The following MDGA2 variants were observed in gnomAD, a reference collection of about 807,000 sequenced individuals.
MDGA2 encodes MAM domain containing glycosylphosphatidylinositol anchor 2.
MDGA2 carries 40 observed loss-of-function variants against 117.8 expected under a neutral mutation model. The observed-to-expected ratio is 0.34, with a 90% CI of 0.26 to 0.44. MDGA2 has a LOEUF of 0.44. Among genes scored for constraint, MDGA2 ranks in the 20% least tolerant of loss-of-function variants. The pLI, the probability that MDGA2 is intolerant of heterozygous loss-of-function variation, is 1.00. For synonymous variants in MDGA2, 452 were observed against 439.0 expected (o/e 1.03, Z -0.37); for missense variants, 1,123 against 1,250.6 (o/e 0.90, Z 1.54).
chr14:47,402,327 G>GA (rs1450381572), intron 1 of MDGA2, among the ~76,000 whole-genome samples: 2 of 12,300 alleles, frequency 1.6e-4, no homozygotes, highest in Non-Finnish European at 2.2e-4. Flanking sequence ...AGAAACCCCA[G>GA]AAACCCCCGC....
chr14:47,180,416 TATGAG>T (rs1398851892), intron 3 of MDGA2, among the ~76,000 whole-genome samples: 2 of 152,162 alleles, frequency 1.3e-5, no homozygotes, highest in African/African-American at 4.8e-5. Context: ...ACAGACAACC[TATGAG>T]ATGAGAGAAA....
intron 2 of MDGA2, among the ~76,000 whole-genome samples, chr14:47,256,959 G>GA (rs1245798308): frequency 6.7e-6 from 1 of 148,860 alleles, no homozygotes; most frequent in Non-Finnish European, 1.5e-5. Context: ...GAAAGGGAAA[G>GA]AAAAAAAGAG....
intron 7 of MDGA2, among the ~76,000 whole-genome samples, chr14:47,042,312 GTTTTTTTTTTT>G (rs748830079): frequency 7.7e-6 from 1 of 129,992 alleles, no homozygotes. Flanking sequence ...CCAAATCTAT[GTTTTTTTTTTT>G]TTTTTGTGTG....
At chr14:47,087,803 A>C (rs1890961097) in intron 6 of MDGA2, among the ~76,000 whole-genome samples, 2 of 9,840 alleles carry the variant, frequency 2.0e-4, no homozygotes, top group Non-Finnish European at 2.5e-4. Context: ...TAGGGTATCA[A>C]AAAAAAAAAA....
intron 1 of MDGA2, among the ~76,000 whole-genome samples, chr14:47,580,591 AG>A (rs1896212180): frequency 6.6e-6 from 1 of 152,022 alleles, no homozygotes; most frequent in Admixed American, 6.6e-5. Flanking sequence ...AGAAATTTAA[AG>A]GGGAAATATT....
chr14:47,091,864 T>C (rs921368543), intron 6 of MDGA2, among the ~76,000 whole-genome samples: 4 of 152,058 alleles, frequency 2.6e-5, no homozygotes, highest in South Asian at 4.1e-4. Context: ...CAGCCACAAA[T>C]TGAAGATGGC....
At chr14:47,268,443 A>G (rs1020303684) in intron 2 of MDGA2, among the ~76,000 whole-genome samples, 1 of 152,212 alleles carries the variant, frequency 6.6e-6, no homozygotes, top group Admixed American at 6.5e-5. Flanking sequence ...TTTAAAAAGA[A>G]TGATACTAAA....
rs114794125 is a variant in MDGA2, at chr14:47,179,981, T to G, written c.596-35707A>C. 8.9e-3 allele frequency among the ~76,000 whole-genome samples: 1,342 copies of G among 151,634 alleles called. 23 individuals are homozygous for G. Among genetic ancestry groups the G allele is most frequent in the African/African-American group, 0.031 (1,269 of 41,486 alleles). ...TATATCTTAATGTGTTCTAATAAAT[T>G]TGACTTATTTACTCATTATTTTATT... is the stretch of plus-strand genomic sequence containing the variant. On this transcript the variant is annotated intron_variant, in intron 3 of 16. Transcript: ENST00000399232.
At chr14:47,650,869 T>C (rs906937397) in intron 1 of MDGA2, among the ~76,000 whole-genome samples, 20 of 152,216 alleles carry the variant, frequency 1.3e-4, no homozygotes, top group African/African-American at 4.3e-4. Context: ...AGTTTTCTTT[T>C]TGCAAACTTT....
intron 3 of MDGA2, among the ~76,000 whole-genome samples, chr14:47,159,514 T>A (rs1198780681): frequency 6.6e-6 from 1 of 152,190 alleles, no homozygotes; most frequent in Non-Finnish European, 1.5e-5. Flanking sequence ...AGGAACCTGG[T>A]TTGTAACTAG....
chr14:46,840,184 G>C lies in MDGA2; in HGVS notation c.*1747C>G, dbSNP rs899091665. ...TTTGCACAAACATTTCTACAGAATTGTTTTAAAAAACAAGCTTTGTCATTT... is the reference window on the plus strand; with the variant it reads ...TTTGCACAAACATTTCTACAGAATTCTTTTAAAAAACAAGCTTTGTCATTT... On this transcript the variant is annotated 3_prime_UTR_variant, in exon 17 of 17. Transcript: ENST00000399232. 6.6e-6 allele frequency: 1 copy of C among 152,338 alleles called. No homozygotes were observed. The highest frequency in any genetic ancestry group is 6.6e-5 in the Admixed American group (1 of 15,218). 9.4% of individuals were successfully genotyped at this position (152,338 alleles called of 1,614,324 possible).
intron 3 of MDGA2, among the ~76,000 whole-genome samples, chr14:47,179,879 G>A (rs1478563065): frequency 2.0e-5 from 3 of 151,722 alleles, no homozygotes; most frequent in Non-Finnish European, 4.4e-5. Context: ...ACTAAATTTG[G>A]ATATTTCCCT....
intron 8 of MDGA2, chr14:46,960,657 TTATA>T (rs748077484): frequency 5.3e-5 from 8 of 151,760 alleles, no homozygotes; most frequent in Non-Finnish European, 1.0e-4. Flanking sequence ...CATTTTTATG[TTATA>T]TATATACACA....
intron 1 of MDGA2, among the ~76,000 whole-genome samples, chr14:47,624,481 CAAAT>C (rs1897105733): frequency 1.3e-5 from 2 of 152,180 alleles, no homozygotes; most frequent in Admixed American, 1.3e-4. Context: ...AACAAACAAA[CAAAT>C]AAATAAATGA....
At chr14:47,233,800 C>T (rs755462196) in intron 2 of MDGA2, among the ~76,000 whole-genome samples, 4 of 152,102 alleles carry the variant, frequency 2.6e-5, no homozygotes, top group Non-Finnish European at 4.4e-5. Flanking sequence ...TACATTTAGA[C>T]ATTTCTGAGA....
intron 6 of MDGA2, among the ~76,000 whole-genome samples, chr14:47,065,261 T>C (rs1466470941): frequency 6.6e-6 from 1 of 152,164 alleles, no homozygotes; most frequent in Non-Finnish European, 1.5e-5. Context: ...TTTAACAGTA[T>C]ACTTGCAAGG....
intron 1 of MDGA2, among the ~76,000 whole-genome samples, chr14:47,501,601 T>A (rs1375831840): frequency 1.3e-5 from 2 of 152,154 alleles, no homozygotes; most frequent in Admixed American, 1.3e-4. Flanking sequence ...TTAAATGAGG[T>A]CAATTAACCT....
chr14:47,144,077 C>T lies in MDGA2; in HGVS notation c.792+1G>A. 6.5e-7 allele frequency: 1 copy of T among 1,545,250 alleles called. No individual in the cohort carries two copies. The highest frequency in any genetic ancestry group is 8.7e-7 in the Non-Finnish European group (1 of 1,143,418). On this transcript the variant is annotated splice_donor_variant, in intron 4 of 16. Transcript: ENST00000399232. LOFTEE classifies it high-confidence loss of function. ...TGGAAATACTGTACCTTAATTCATACCTGGGTAAAGAATGGTTCATAAATC... is the reference window on the plus strand; with the variant it reads ...TGGAAATACTGTACCTTAATTCATATCTGGGTAAAGAATGGTTCATAAATC...
At chr14:47,222,093 A>G (rs1886325208) in intron 2 of MDGA2, among the ~76,000 whole-genome samples, 2 of 152,086 alleles carry the variant, frequency 1.3e-5, no homozygotes, top group African/African-American at 4.8e-5. Flanking sequence ...CTAGATGTGA[A>G]TAGATTGAAT....
Sources: allele counts gnomAD v4.1 joint callset (sites outside exome capture counted in the v4.1 genomes callset), GRCh38; gene constraint gnomAD v4.1.1; transcripts MANE v1.5; gene names NCBI Gene and HGNC (gene_info 2026-07-23, HGNC 2026-07-21).